Variants in TIAM2 observed in about 807,000 individuals in gnomAD.
The protein encoded by TIAM2 is TIAM Rac1 associated GEF 2, also known as rho guanine nucleotide exchange factor TIAM2.
Under a neutral mutation model 152.9 loss-of-function variants are expected in TIAM2, and 80 were observed. The ratio of observed to expected loss-of-function variants is 0.52; its 90% confidence interval spans 0.44 to 0.63. The LOEUF is 0.63. Among genes scored for constraint, TIAM2 ranks in the 30% least tolerant of loss-of-function variants. The pLI, the probability that TIAM2 is intolerant of heterozygous loss-of-function variation, is 0.00. For missense variants in TIAM2, 1,965 were observed against 2,120.1 expected (o/e 0.93, Z 1.44); for synonymous variants, 804 against 838.0 (o/e 0.96, Z 0.70).
intron 1 of TIAM2, among the ~76,000 whole-genome samples, chr6:155,021,871 A>G (rs1438936209): frequency 6.6e-6 from 1 of 152,196 alleles, no homozygotes; most frequent in Non-Finnish European, 1.5e-5. Flanking sequence ...CTCAACACAC[A>G]GTGCACACAT....
intron 9 of TIAM2, chr6:155,168,900 C>G: frequency 6.5e-7 from 1 of 1,535,542 alleles, no homozygotes; most frequent in East Asian, 2.4e-5. Context: ...CCTCAAAACT[C>G]CAGTAACTCC....
intron 1 of TIAM2, among the ~76,000 whole-genome samples, chr6:155,049,734 G>A (rs1412341574): frequency 6.6e-6 from 1 of 152,174 alleles, no homozygotes; most frequent in Non-Finnish European, 1.5e-5. Context: ...AAATAGGGTA[G>A]TTGACTTCAG....
At chr6:155,033,928 GCTGGTCTCGAACTC>G (rs1432084339) in intron 1 of TIAM2, among the ~76,000 whole-genome samples, 10 of 152,064 alleles carry the variant, frequency 6.6e-5, no homozygotes, top group Non-Finnish European at 1.5e-4. Context: ...TGTTAGCCAG[GCTGGTCTCGAACTC>G]CTGACCTCAG....
At chr6:155,078,417 T>G (rs574653437) in intron 1 of TIAM2, among the ~76,000 whole-genome samples, 39 of 152,308 alleles carry the variant, frequency 2.6e-4, no homozygotes, top group African/African-American at 8.9e-4. Flanking sequence ...TAGGCATCCT[T>G]ATCTGCTTTT....
chr6:155,083,959 AGTG>A lies in TIAM2; in HGVS notation c.-208-6329_-208-6327del, dbSNP rs540319447. On this transcript the variant is annotated intron_variant, in intron 1 of 26. Coordinates refer to ENST00000682666, the MANE Select transcript of TIAM2 (RefSeq NM_012454.4). The stretch of plus-strand genomic sequence containing the variant: ...TTTTTGGCCCAGCCCTGGAAATCCT[AGTG>A]TCACGTTGGCTGTACTATATAGGTT... Among the ~76,000 whole-genome samples the A allele has an allele frequency of 5.5e-3, 843 of 152,272 alleles. 2 individuals are homozygous for A. The highest frequency in any genetic ancestry group is 6.9e-3 in the Non-Finnish European group (469 of 68,012).
At chr6:155,200,722 GTGAAAC>G (rs1024779920) in intron 14 of TIAM2, among the ~76,000 whole-genome samples, 3 of 152,180 alleles carry the variant, frequency 2.0e-5, no homozygotes, top group African/African-American at 7.2e-5. Flanking sequence ...GGCCAATGTG[GTGAAAC>G]CCTGTCTCTA....
chr6:154,996,490 T>G (rs1204701040), intron 1 of TIAM2, among the ~76,000 whole-genome samples: 6 of 152,210 alleles, frequency 3.9e-5, no homozygotes, highest in African/African-American at 1.2e-4. Context: ...TTCTCATGGT[T>G]ATTCACACAT....
intron 2 of TIAM2, among the ~76,000 whole-genome samples, chr6:155,122,670 GCCACATTATT>G (rs1779196493): frequency 6.6e-6 from 1 of 152,042 alleles, no homozygotes; most frequent in African/African-American, 2.4e-5. Flanking sequence ...CATTCTTGGT[GCCACATTATT>G]CCAGAGTGAC....
In TIAM2 at chr6:155,137,596, C is replaced by T. The variant is rs373517872; in HGVS notation, c.1614C>T (p.Tyr538=). 1.9e-6 allele frequency: 3 copies of T among 1,591,186 alleles called. No individual in the cohort carries two copies. The change falls in exon 5 of 27, where the codon TAC becomes TAT. Residue 538 remains tyrosine, a synonymous_variant. Transcript: ENST00000682666. ...ELVARRKWKQ[Y]WVTLKGCTLL... ...TGGCACGAAGGAAATGGAAACAGTA[C>T]TGGGTAACGCTGAAAGGTGAGTGCA...
chr6:155,225,904 A>C (rs1206831215), intron 15 of TIAM2, among the ~76,000 whole-genome samples: 1 of 152,200 alleles, frequency 6.6e-6, no homozygotes, highest in Non-Finnish European at 1.5e-5. Flanking sequence ...ACCATAATTA[A>C]AGGGGCACAC....
intron 4 of TIAM2, among the ~76,000 whole-genome samples, chr6:155,133,557 T>C (rs1779492738): frequency 6.6e-6 from 1 of 152,158 alleles, no homozygotes; most frequent in Admixed American, 6.5e-5. Context: ...CCAGAACTTA[T>C]TCCTCCTGCA....
chr6:155,041,965 G>T lies in TIAM2; in HGVS notation c.-209+46473G>T, dbSNP rs191161459. Among the ~76,000 whole-genome samples the T allele has an allele frequency of 1.8e-4, 28 of 152,292 alleles. No individual in the cohort carries two copies. The East Asian group carries it at 4.6e-3, about 25-fold the overall frequency. On this transcript the variant is annotated intron_variant, in intron 1 of 26. Coordinates refer to ENST00000682666, the MANE Select transcript of TIAM2 (RefSeq NM_012454.4). ...TGGAATCTGTTCCCTCACTCTGGCAGGCTGGCTCAAAGCCAGCGTTGCAGT... is the reference window on the plus strand; with the variant it reads ...TGGAATCTGTTCCCTCACTCTGGCATGCTGGCTCAAAGCCAGCGTTGCAGT...
At chr6:155,018,960 A>G (rs1776404028) in intron 1 of TIAM2, among the ~76,000 whole-genome samples, 1 of 149,702 alleles carries the variant, frequency 6.7e-6, no homozygotes, top group South Asian at 2.1e-4. Context: ...AAATCGCTTG[A>G]ACCTGGGAGG....
At chr6:155,078,989 T>C (rs1041634620) in intron 1 of TIAM2, among the ~76,000 whole-genome samples, 17 of 152,202 alleles carry the variant, frequency 1.1e-4, no homozygotes, top group Middle Eastern at 6.8e-3. Context: ...TGTTTTTTGG[T>C]GTTTTTCTTT....
At chr6:155,144,528 G>A (rs550788631) in intron 5 of TIAM2, 78 bp from the exon 6 acceptor site, 229 of 1,373,358 alleles carry the variant, frequency 1.7e-4, no homozygotes, top group Non-Finnish European at 2.1e-4. Context: ...TTTTAAAAAA[G>A]TGTGTCACTT....
intron 1 of TIAM2, among the ~76,000 whole-genome samples, chr6:155,029,044 CTAT>C (rs1224776155): frequency 8.4e-6 from 1 of 119,202 alleles, no homozygotes; most frequent in Non-Finnish European, 1.6e-5. Flanking sequence ...ACTATATATA[CTAT>C]GTTATATATA....
chr6:155,210,510 C>G (rs1287252973), intron 14 of TIAM2, among the ~76,000 whole-genome samples: 3 of 150,672 alleles, frequency 2.0e-5, no homozygotes, highest in Admixed American at 6.6e-5. Flanking sequence ...TTTTCAATTT[C>G]TCGTAGAGAC....
chr6:155,151,378 C>G (rs1471668653), intron 7 of TIAM2, among the ~76,000 whole-genome samples: 6 of 152,232 alleles, frequency 3.9e-5, no homozygotes. Flanking sequence ...GACATCTGCA[C>G]TTACAAACTA....
chr6:155,209,870 G>C (rs1197809412), intron 14 of TIAM2, among the ~76,000 whole-genome samples: 2 of 152,200 alleles, frequency 1.3e-5, no homozygotes, highest in Non-Finnish European at 2.9e-5. Flanking sequence ...TCTCCCAGCT[G>C]TCCCAACCTC....
Sources: allele counts gnomAD v4.1 joint callset (sites outside exome capture counted in the v4.1 genomes callset), GRCh38; gene constraint gnomAD v4.1.1; transcripts MANE v1.5; gene names NCBI Gene and HGNC (gene_info 2026-07-23, HGNC 2026-07-21).